The following HIBADH variants were observed in gnomAD, a reference collection of about 807,000 sequenced individuals.
HIBADH encodes the protein 3-hydroxyisobutyrate dehydrogenase.
HIBADH carries 25 observed loss-of-function variants against 36.1 expected under a neutral mutation model. The ratio of observed to expected loss-of-function variants is 0.69; its 90% CI spans 0.50 to 0.97. The LOEUF is 0.97. HIBADH is among the 50% of genes least tolerant of loss of function. The probability of loss-of-function intolerance (pLI) is 0.00; values close to 1 mark genes in which losing one functional copy is unlikely to be tolerated. For synonymous variants in HIBADH, 160 were observed against 149.5 expected (o/e 1.07, Z -0.51); for missense variants, 421 against 418.0 (o/e 1.01, Z -0.06).
chr7:27,630,122 T>C (rs766613898), intron 3 of HIBADH, among the ~76,000 whole-genome samples: 11 of 152,320 alleles, frequency 7.2e-5, no homozygotes, highest in South Asian at 2.1e-4. Context: ...GTAACTTATA[T>C]ATATACACTA....
intron 4 of HIBADH, among the ~76,000 whole-genome samples, chr7:27,605,741 C>A (rs1407162524): frequency 6.6e-6 from 1 of 151,820 alleles, no homozygotes; most frequent in Non-Finnish European, 1.5e-5. Flanking sequence ...GAAATCTTTT[C>A]AATTCTTTGC....
At chr7:27,551,461 TAAC>T (rs531207432) in intron 4 of HIBADH, among the ~76,000 whole-genome samples, 255 of 152,262 alleles carry the variant, frequency 1.7e-3, no homozygotes, top group African/African-American at 5.8e-3. Context: ...AATTTAAACA[TAAC>T]AAGTAAATTC....
intron 4 of HIBADH, among the ~76,000 whole-genome samples, chr7:27,547,921 G>A (rs35816118): frequency 0.16 from 23,757 of 151,876 alleles, 2,041 homozygotes; most frequent in Middle Eastern, 0.19. Flanking sequence ...AATATTTGTG[G>A]CTGCCTTTAG....
In HIBADH at chr7:27,637,149, T is replaced by C. The variant is rs555356841; in HGVS notation, c.253-4704A>G. Among the ~76,000 whole-genome samples, 55 of 152,306 alleles carry C rather than the reference T, an allele frequency of 3.6e-4. 1 individual carries two copies. Among genetic ancestry groups the C allele is most frequent in the African/African-American group, 1.3e-3 (54 of 41,556 alleles). ...TAGCAGCAGCAGTAATGGTACTTTC[T>C]ATGTGCCAGGTTCTTTTGGGCTAAG... On this transcript the variant is annotated intron_variant, in intron 2 of 7. Coordinates refer to ENST00000265395, the MANE Select transcript of HIBADH (RefSeq NM_152740.4).
At chr7:27,611,349 G>A (rs1211937546) in intron 4 of HIBADH, among the ~76,000 whole-genome samples, 4 of 152,148 alleles carry the variant, frequency 2.6e-5, no homozygotes, top group African/African-American at 7.2e-5. Flanking sequence ...ATGATGCCCT[G>A]GGAGCAGACT....
At position 27,632,366 on chromosome 7, in the gene HIBADH, T is replaced by C; in HGVS notation, c.332A>G (p.Glu111Gly). Residue 111 changes from glutamate to glycine, a missense_variant, in exon 3 of 8, where the codon GAA becomes GGA. Physicochemically the swap from Glu to Gly is moderately conservative, Grantham distance 98 (BLOSUM62 -2). Transcript: ENST00000265395. ...TMLPTSINAI[E>G]AYSGANGILK... is the part of the protein sequence containing the mutation. ...AATCCCATTTGCTCCGGAATAAGCTTCTATTGCATTGATACTGGTGGGCAG... is the reference window on the plus strand; with the variant it reads ...AATCCCATTTGCTCCGGAATAAGCTCCTATTGCATTGATACTGGTGGGCAG... 5.0e-6 allele frequency: 8 copies of C among 1,612,340 alleles called. No homozygotes were observed. Among genetic ancestry groups the C allele is most frequent in the Non-Finnish European group, 5.9e-6 (7 of 1,178,566 alleles).
At chr7:27,542,881 AAGAATAAAAATATGGTCAGGAAAG>A in intron 5 of HIBADH, 62 bp downstream of exon 5, 1 of 1,358,088 alleles carries the variant, frequency 7.4e-7, no homozygotes, top group South Asian at 1.4e-5. Flanking sequence ...TTGAAGAAAG[AAGAATAAAAATATGGTCAGGAAAG>A]AGAAAGGAAC....
intron 6 of HIBADH, among the ~76,000 whole-genome samples, chr7:27,537,523 C>A (rs57146367): frequency 6.6e-6 from 1 of 152,044 alleles, no homozygotes; most frequent in African/African-American, 2.4e-5. Flanking sequence ...ATGAAAGCAA[C>A]TGAGTAAAGC....
At chr7:27,654,056 C>CA (rs1786249427) in intron 1 of HIBADH, among the ~76,000 whole-genome samples, 1 of 151,984 alleles carries the variant, frequency 6.6e-6, no homozygotes, top group Admixed American at 6.6e-5. Context: ...TTTATCAATA[C>CA]AAATTAAATT....
At chr7:27,632,054 C>T (rs982073049) in intron 3 of HIBADH, among the ~76,000 whole-genome samples, 4 of 152,192 alleles carry the variant, frequency 2.6e-5, no homozygotes, top group African/African-American at 9.6e-5. Flanking sequence ...CAAATGTAAG[C>T]TTTAAAAGTC....
chr7:27,623,154 C>T (rs1785574251), intron 4 of HIBADH, among the ~76,000 whole-genome samples: 2 of 152,132 alleles, frequency 1.3e-5, no homozygotes, highest in South Asian at 4.1e-4. Context: ...AGGACAAAAA[C>T]CGTATGATCA....
At chr7:27,564,543 C>T (rs968756122) in intron 4 of HIBADH, among the ~76,000 whole-genome samples, 3 of 152,200 alleles carry the variant, frequency 2.0e-5, no homozygotes, top group Admixed American at 6.5e-5. Flanking sequence ...ACTAATACCA[C>T]ATTTTATTAG....
At chr7:27,609,432 C>T (rs1785286551) in intron 4 of HIBADH, among the ~76,000 whole-genome samples, 1 of 152,146 alleles carries the variant, frequency 6.6e-6, no homozygotes, top group South Asian at 2.1e-4. Flanking sequence ...CATTTCTGAA[C>T]TACTTGTGCA....
intron 4 of HIBADH, among the ~76,000 whole-genome samples, chr7:27,593,264 A>G (rs762634971): frequency 6.6e-6 from 1 of 152,206 alleles, no homozygotes; most frequent in Non-Finnish European, 1.5e-5. Context: ...TTTTCAAACT[A>G]GGGATGCTCA....
chr7:27,644,460 C>G (rs908058412), intron 2 of HIBADH, among the ~76,000 whole-genome samples: 1 of 151,890 alleles, frequency 6.6e-6, no homozygotes, highest in Non-Finnish European at 1.5e-5. Context: ...ATTAGACAGG[C>G]GTGGTGACAT....
At chr7:27,615,204 A>G (rs1785405279) in intron 4 of HIBADH, among the ~76,000 whole-genome samples, 1 of 152,134 alleles carries the variant, frequency 6.6e-6, no homozygotes, top group African/African-American at 2.4e-5. Context: ...TCTGATAACT[A>G]TGACTGCTAT....
At chr7:27,592,043 G>A (rs1784948012) in intron 4 of HIBADH, among the ~76,000 whole-genome samples, 1 of 152,114 alleles carries the variant, frequency 6.6e-6, no homozygotes, top group Admixed American at 6.5e-5. Flanking sequence ...TCACATTTCT[G>A]TATCTTTGTA....
chr7:27,565,479 G>C (rs1784532940), intron 4 of HIBADH, among the ~76,000 whole-genome samples: 1 of 152,132 alleles, frequency 6.6e-6, no homozygotes, highest in South Asian at 2.1e-4. Flanking sequence ...AATGTTGATT[G>C]CTAGTATAGA....
intron 4 of HIBADH, among the ~76,000 whole-genome samples, chr7:27,576,643 T>G (rs969702939): frequency 5.3e-5 from 8 of 152,260 alleles, no homozygotes; most frequent in Non-Finnish European, 1.0e-4. Flanking sequence ...TTTGAAGATG[T>G]TAATATTCCT....
Sources: gnomAD v4.1 joint callset for allele counts (sites outside exome capture counted in the v4.1 genomes callset) on GRCh38, gnomAD v4.1.1 for gene constraint, MANE v1.5 for transcripts, NCBI Gene and HGNC (gene_info 2026-07-23, HGNC 2026-07-21) for gene names.